The following MYRF variants were observed in gnomAD, a reference collection of about 807,000 sequenced individuals.
MYRF encodes myelin gene regulatory factor.
A neutral mutation model predicts 126.3 loss-of-function variants in MYRF; 16 were observed. The ratio of observed to expected loss-of-function variants is 0.13; its 90% confidence interval spans 0.09 to 0.19. MYRF has a LOEUF of 0.19. MYRF is among the 10% of genes least tolerant of loss of function. The probability of loss-of-function intolerance (pLI) is 1.00; values close to 1 mark genes in which losing one functional copy is unlikely to be tolerated. For synonymous variants in MYRF, 608 were observed against 635.3 expected (o/e 0.96, Z 0.65); for missense variants, 1,104 against 1,547.0 (o/e 0.71, Z 4.80).
At chr11:61,767,378 A>C (rs1249837993) in intron 3 of MYRF, 2 of 456,538 alleles carry the variant, frequency 4.4e-6, no homozygotes, top group Admixed American at 2.3e-5. Flanking sequence ...GGGAGACCCC[A>C]CAAGGAGCCC....
rs1262077598 is a variant in MYRF at position 61,757,785 on chromosome 11, T to A, written c.46+4995T>A. ...TCCTGGGGTGCAGTGGAAGCGTGGG[T>A]GACGGCCTCCCATTTCTGAGGGGGA... On this transcript the variant is annotated intron_variant, in intron 1 of 26. Coordinates refer to ENST00000278836, the MANE Select transcript of MYRF (RefSeq NM_001127392.3). The surrounding 1 kb of genome is among the most constrained non-coding windows in gnomAD (Gnocchi z 4.7). 3.0e-6 allele frequency: 1 copy of A among 335,530 alleles called. No homozygotes were observed. The highest frequency in any genetic ancestry group is 5.9e-6 in the Non-Finnish European group (1 of 168,816). 20.8% of individuals were successfully genotyped at this position (335,530 alleles called of 1,614,324 possible).
intron 1 of MYRF, 74 bp downstream of exon 1, chr11:61,752,864 G>C: frequency 7.4e-7 from 1 of 1,359,770 alleles, no homozygotes; most frequent in Non-Finnish European, 9.7e-7. Flanking sequence ...GGGAACTGGG[G>C]CTCCTCGCTG....
In MYRF at chr11:61,781,588, C is replaced by T. The variant is rs770600175; in HGVS notation, c.2780C>T (p.Ala927Val). ...CTATCCACAGGCCCCAGCCAGATGG[C>T]CCTTCTGCCAGTCACCAACATCAGA... ...STNRSGPSQM[A>V]LLPVTNIRAK... The change falls in exon 22 of 27, where the codon GCC becomes GTC. Residue 927 changes from alanine (A) to valine (V), a missense_variant. By Grantham distance (64) the Ala-to-Val change is moderately conservative. This residue lies in a region of MYRF where 323 missense variants were observed against 383.1 expected (regional missense o/e 0.84). Coordinates refer to ENST00000278836, the MANE Select transcript of MYRF (RefSeq NM_001127392.3). 3.7e-6 allele frequency: 6 copies of T among 1,613,558 alleles called. No homozygotes were observed. The highest frequency in any genetic ancestry group is 2.2e-5 in the East Asian group (1 of 44,898).
At chr11:61,752,816 C>T (rs769120946) in intron 1 of MYRF, 26 bp downstream of exon 1, 1 of 1,483,812 alleles carries the variant, frequency 6.7e-7, no homozygotes, top group Non-Finnish European at 8.9e-7. Context: ...CTGGCGGCGG[C>T]GACCCTCTGG....
chr11:61,763,647 T>A (rs1591087134), intron 1 of MYRF, among the ~76,000 whole-genome samples: 1 of 152,172 alleles, frequency 6.6e-6, no homozygotes, highest in Admixed American at 6.5e-5. Context: ...GCAGATCACC[T>A]GAGGTCAGGA....
chr11:61,783,447 G>T lies in MYRF; in HGVS notation c.3017-51G>T. 6.9e-7 allele frequency: 1 copy of T among 1,444,404 alleles called. No homozygotes were observed. Among genetic ancestry groups the T allele is most frequent in the South Asian group, 1.1e-5 (1 of 87,082 alleles). The allele number at this position is 1,444,404 out of a possible 1,614,324, so 89.5% of individuals were successfully genotyped here. A position where few individuals can be genotyped will look rare whatever the true frequency, so the allele number is the denominator to read the frequency against. ...CTTCAAGTCTGGCAAGGAAAGACTT[G>T]CCAGCTTCTCATTTGTGTCCTGCCT... On this transcript the variant is annotated intron_variant, in intron 22 of 26. Transcript: ENST00000278836. The surrounding 1 kb of genome is among the most constrained non-coding windows in gnomAD (Gnocchi z 4.6).
In MYRF at chr11:61,776,173, C is replaced by T; in HGVS notation, c.1388+41C>T. ...TGTTGGGGGTGGTACCTAGAAGGGT[C>T]CACAACTAAAGCTGGCTTGGGAATG... On this transcript the variant is annotated intron_variant, in intron 9 of 26. Transcript: ENST00000278836. The surrounding 1 kb of genome is among the most constrained non-coding windows in gnomAD (Gnocchi z 4.3). The T allele has an allele frequency of 6.2e-7, 1 of 1,608,794 alleles. No homozygotes were observed. Among genetic ancestry groups the T allele is most frequent in the Non-Finnish European group, 8.5e-7 (1 of 1,175,268 alleles).
chr11:61,763,562 A>G (rs561570198), intron 1 of MYRF, among the ~76,000 whole-genome samples: 6 of 152,354 alleles, frequency 3.9e-5, no homozygotes, highest in African/African-American at 1.2e-4. Context: ...TGCCTTGCGC[A>G]TAAGAAACTT....
rs2066463749 is a variant in MYRF, at chr11:61,778,894, C to T, written c.2014-369C>T. The T allele has an allele frequency of 1.8e-6, 1 of 562,230 alleles. No homozygotes were observed. Among genetic ancestry groups the T allele is most frequent in the East Asian group, 4.3e-5 (1 of 23,506 alleles). 34.8% of individuals were successfully genotyped at this position (562,230 alleles called of 1,614,324 possible). A position where few individuals can be genotyped will look rare whatever the true frequency, so the allele number is the denominator to read the frequency against. On this transcript the variant is annotated intron_variant, in intron 14 of 26. Coordinates refer to ENST00000278836, the MANE Select transcript of MYRF (RefSeq NM_001127392.3). This position sits in a 1 kb window ranked among gnomAD's most constrained non-coding sequence, Gnocchi z 4.6. ...CGCCAAGGAGGCATGTAATAGGTCT[C>T]CACCCCAGCTGAATAGTGAAGTGCT... is the stretch of plus-strand genomic sequence containing the variant.
At chr11:61,772,071 A>G in intron 7 of MYRF, 119 bp downstream of exon 7, 1 of 1,422,618 alleles carries the variant, frequency 7.0e-7, no homozygotes, top group Non-Finnish European at 9.5e-7. Flanking sequence ...CAGAAGAGCA[A>G]ACAGGCTCAG....
intron 19 of MYRF, 70 bp from the exon 20 acceptor site, chr11:61,780,890 C>G (rs544562108): frequency 1.3e-6 from 2 of 1,593,542 alleles, no homozygotes; most frequent in South Asian, 2.2e-5. Flanking sequence ...CCTGCCTCTC[C>G]AGGACTGTCA....
At chr11:61,782,455 G>T (rs1482070353) in intron 22 of MYRF, 2 of 152,276 alleles carry the variant, frequency 1.3e-5, no homozygotes, top group Admixed American at 1.3e-4. Context: ...TGTGATGGGG[G>T]AACCCCATGG....
rs149114066 is a variant in MYRF at position 61,761,369 on chromosome 11, C to T, written c.47-4256C>T. ...TCCTGCACCTGGCTTGGGTGCCCTCCGTTCCTTTCCTGGCCAGCTGGGGTG... is the reference window on the plus strand; with the variant it reads ...TCCTGCACCTGGCTTGGGTGCCCTCTGTTCCTTTCCTGGCCAGCTGGGGTG... On this transcript the variant is annotated intron_variant, in intron 1 of 26. Coordinates refer to ENST00000278836, the MANE Select transcript of MYRF (RefSeq NM_001127392.3). 2.0e-3 allele frequency among the ~76,000 whole-genome samples: 303 copies of T among 152,244 alleles called. 5 individuals carry two copies. The highest frequency in any genetic ancestry group is 6.5e-3 in the African/African-American group (272 of 41,540).
chr11:61,766,247 A>T, intron 3 of MYRF, 26 bp downstream of exon 3: 1 of 1,574,538 alleles, frequency 6.4e-7, no homozygotes, highest in East Asian at 2.3e-5. Context: ...GAGTAGGGGG[A>T]TACAGCGGCA....
At chr11:61,785,699 A>C (rs1403914139) in intron 25 of MYRF, 101 bp from the exon 26 acceptor site, 14 of 939,510 alleles carry the variant, frequency 1.5e-5, no homozygotes, top group Non-Finnish European at 2.4e-5. Context: ...TTTCCTTCAT[A>C]AAACTCCCCA....
In MYRF at chr11:61,776,866, A is replaced by G. The variant is rs2066400140; in HGVS notation, c.1579A>G (p.Ile527Val). The G allele has an allele frequency of 1.2e-6, 2 of 1,605,916 alleles. No individual in the cohort carries two copies. The highest frequency in any genetic ancestry group is 1.7e-6 in the Non-Finnish European group (2 of 1,176,838). Residue 527 changes from isoleucine (I) to valine (V), a missense_variant, in exon 11 of 27, where the codon ATC (isoleucine) becomes GTC (valine). Transcript: ENST00000278836. The surrounding 1 kb of genome is among the most constrained non-coding windows in gnomAD (Gnocchi z 4.3). ...YTLAAQISERIIVRASNPGQF... is the reference protein window; with the variant it reads ...YTLAAQISERVIVRASNPGQF... ...GCTGGCCGCCCAGATCTCAGAGCGC[A>G]TCATTGTGCGGGTGAGGGCCACCTC...
chr11:61,755,383 G>C (rs374281370), intron 1 of MYRF: 1 of 1,595,408 alleles, frequency 6.3e-7, no homozygotes, highest in Non-Finnish European at 8.5e-7. Context: ...AGCCCAGATC[G>C]GCGGGCACAG....
intron 1 of MYRF, among the ~76,000 whole-genome samples, chr11:61,756,449 G>T (rs1400159092): frequency 6.6e-6 from 1 of 152,080 alleles, no homozygotes; most frequent in Non-Finnish European, 1.5e-5. Context: ...CGTGATGGGG[G>T]TGGCACTGTG....
chr11:61,777,383 G>C lies in MYRF; in HGVS notation c.1710G>C (p.Ala570=). 6.2e-7 allele frequency: 1 copy of C among 1,613,942 alleles called. No individual in the cohort carries two copies. The highest frequency in any genetic ancestry group is 8.5e-7 in the Non-Finnish European group (1 of 1,180,032). The part of the protein sequence containing the change: ...VGINTDRPDE[A]LVVHGNVKVM... ...TCAACACAGACCGGCCGGATGAGGC[G>C]CTGGTTGTGCACGGGAATGTCAAGG... Residue 570 remains alanine (A), a synonymous_variant, in exon 12 of 27, where the codon GCG becomes GCC. Transcript: ENST00000278836. The surrounding 1 kb of genome is among the most constrained non-coding windows in gnomAD (Gnocchi z 8.8).
Sources: allele counts gnomAD v4.1 joint callset (sites outside exome capture counted in the v4.1 genomes callset), GRCh38; gene constraint gnomAD v4.1.1; regional missense constraint gnomAD v4.1.1; non-coding constraint Gnocchi (gnomAD v3.1); transcripts MANE v1.5; gene names NCBI Gene and HGNC (gene_info 2026-07-23, HGNC 2026-07-21).